CERKL: variants seen among roughly 807,000 people sequenced by gnomAD.
The protein encoded by CERKL is CERK like autophagy regulator.
A neutral mutation model predicts 63.4 loss-of-function variants in CERKL; 61 were observed. That is an observed-to-expected ratio of 0.96 (90% CI 0.78 to 1.19). CERKL has a LOEUF of 1.19. CERKL is among the 50% of genes most tolerant of loss of function. The pLI is 0.00. For synonymous variants in CERKL, 250 were observed against 230.5 expected, an observed-to-expected ratio of 1.08 and a Z score of -0.77; for missense variants, 675 against 655.5, an observed-to-expected ratio of 1.03 and a Z score of -0.33.
Position 181,550,049 on chromosome 2 carries a change from G to C in CERKL, c.821-341C>G, listed in dbSNP as rs1253675566. Among the ~76,000 whole-genome samples the C allele has an allele frequency of 6.6e-6, 1 of 152,084 alleles. No homozygotes were observed. Among genetic ancestry groups the C allele is most frequent in the Non-Finnish European group, 1.5e-5 (1 of 68,018 alleles). ...ACTCCATCCCAACCTTAATGAATGG[G>C]TTTTTAGCTTCAATGCCAAAATGAG... On this transcript the variant is annotated intron_variant, in intron 5 of 12. Coordinates refer to ENST00000410087, the MANE Select transcript of CERKL (RefSeq NM_201548.5). The surrounding 1 kb of genome is among the most constrained non-coding windows in gnomAD (Gnocchi z 4.5).
chr2:181,553,650 T>C (rs1688083733), intron 5 of CERKL, among the ~76,000 whole-genome samples: 1 of 152,184 alleles, frequency 6.6e-6, no homozygotes, highest in Non-Finnish European at 1.5e-5. Context: ...GCTTTGCAAC[T>C]TTTCTCTAAT....
chr2:181,538,496 G>C (rs201139242), intron 12 of CERKL, among the ~76,000 whole-genome samples: 1 of 25,240 alleles, frequency 4.0e-5, no homozygotes, highest in African/African-American at 1.8e-4. Context: ...AGTCAGTTAT[G>C]CCTCTAGAAC....
chr2:181,638,168 C>A (rs576106403), intron 1 of CERKL, among the ~76,000 whole-genome samples: 2 of 152,190 alleles, frequency 1.3e-5, no homozygotes, highest in Admixed American at 1.3e-4. Context: ...AACAAAAAAA[C>A]CCAACATATT....
chr2:181,614,378 A>G (rs2105909240), intron 1 of CERKL, among the ~76,000 whole-genome samples: 1 of 152,350 alleles, frequency 6.6e-6, no homozygotes, highest in South Asian at 2.1e-4. Context: ...TTAAAGAGAA[A>G]AAAGGGAAAA....
intron 2 of CERKL, among the ~76,000 whole-genome samples, chr2:181,582,531 A>G (rs1273816714): frequency 6.7e-6 from 1 of 149,348 alleles, no homozygotes; most frequent in Non-Finnish European, 1.5e-5. Context: ...ATATATATAT[A>G]TATATGTTTT....
chr2:181,633,645 AAAAG>A (rs1434504399), intron 1 of CERKL, among the ~76,000 whole-genome samples: 1 of 152,222 alleles, frequency 6.6e-6, no homozygotes, highest in Non-Finnish European at 1.5e-5. Flanking sequence ...AAGAGAAACA[AAAAG>A]AAAAGCAGAA....
At position 181,641,046 on chromosome 2, in the gene CERKL, C is replaced by T. The variant is rs935157321; in HGVS notation, c.238+15723G>A. 2.6e-5 allele frequency among the ~76,000 whole-genome samples: 4 copies of T among 152,130 alleles called. No individual in the cohort carries two copies. The South Asian group carries it at 8.3e-4, about 32-fold the overall frequency. ...TTTAGGAATAACATTAGTCTCCAGA[C>T]GTTCACAGGGTCAGAGTACACAGAC... On this transcript the variant is annotated intron_variant, in intron 1 of 12. Coordinates refer to ENST00000410087, the MANE Select transcript of CERKL (RefSeq NM_201548.5).
At chr2:181,604,938 A>C (rs887224551) in intron 1 of CERKL, among the ~76,000 whole-genome samples, 1 of 152,188 alleles carries the variant, frequency 6.6e-6, no homozygotes, top group African/African-American at 2.4e-5. Flanking sequence ...TGTGGAAAAG[A>C]CCATTTCAAT....
chr2:181,605,187 T>C (rs1404903091), intron 1 of CERKL, among the ~76,000 whole-genome samples: 1 of 152,076 alleles, frequency 6.6e-6, no homozygotes, highest in Non-Finnish European at 1.5e-5. Context: ...CTGCAGAGAA[T>C]CTCCAGGTCA....
chr2:181,547,389 G>T (rs1247684696), intron 10 of CERKL, among the ~76,000 whole-genome samples: 1 of 152,050 alleles, frequency 6.6e-6, no homozygotes, highest in African/African-American at 2.4e-5. Context: ...TAAAACTTAG[G>T]AAATATTATT....
At chr2:181,609,929 C>T (rs1247481582) in intron 1 of CERKL, among the ~76,000 whole-genome samples, 2 of 151,902 alleles carry the variant, frequency 1.3e-5, no homozygotes, top group African/African-American at 2.4e-5. Context: ...AAAAATAGGG[C>T]CCTATTTCAT....
intron 1 of CERKL, among the ~76,000 whole-genome samples, chr2:181,652,474 A>G (rs887624292): frequency 2.0e-5 from 3 of 152,170 alleles, no homozygotes; most frequent in African/African-American, 7.2e-5. Flanking sequence ...CCTCCCTCTC[A>G]CCATATACAA....
chr2:181,563,792 ATC>A (rs1274869121), intron 4 of CERKL, among the ~76,000 whole-genome samples: 1 of 151,864 alleles, frequency 6.6e-6, no homozygotes, highest in Non-Finnish European at 1.5e-5. Flanking sequence ...CTCCTCATAT[ATC>A]TCTCTATGTA....
At position 181,657,066 on chromosome 2, in the gene CERKL, G is replaced by A. The variant is rs1401736863; in HGVS notation, c.-60C>T. ...CGGGGAGGCCTTTGGAGAAGGAGGT[G>A]GAGGGCGCGGCAGCCCCAGCTCTAG... On this transcript the variant is annotated 5_prime_UTR_variant, in exon 1 of 13. Coordinates refer to ENST00000410087, the MANE Select transcript of CERKL (RefSeq NM_201548.5). The A allele has an allele frequency of 2.1e-6, 3 of 1,444,182 alleles. No homozygotes were observed. The Admixed American group carries it at 5.8e-5, about 28-fold the overall frequency. 89.5% of individuals were successfully genotyped at this position (1,444,182 alleles called of 1,614,324 possible).
intron 5 of CERKL, among the ~76,000 whole-genome samples, chr2:181,552,464 G>T (rs188903114): frequency 1.7e-3 from 255 of 152,254 alleles, no homozygotes; most frequent in Non-Finnish European, 2.8e-3. Context: ...CTGCCACCTT[G>T]TGAAGAATGT....
At chr2:181,578,071 G>A (rs1393904602) in intron 2 of CERKL, among the ~76,000 whole-genome samples, 1 of 152,112 alleles carries the variant, frequency 6.6e-6, no homozygotes, top group African/African-American at 2.4e-5. Context: ...ACATGCTACA[G>A]AATTCAAAAT....
chr2:181,558,499 G>T lies in CERKL; in HGVS notation c.820+67C>A. Reference sequence around the variant, plus strand: ...CATTAATTCTGTGTTGTGCTGTCTAGATTAGCAAGTAAGAAAGGAAAAGAG... The same window carrying T: ...CATTAATTCTGTGTTGTGCTGTCTATATTAGCAAGTAAGAAAGGAAAAGAG... On this transcript the variant is annotated intron_variant, in intron 5 of 12. Transcript: ENST00000410087. The surrounding 1 kb of genome is among the most constrained non-coding windows in gnomAD (Gnocchi z 4.2). 5 of 1,529,930 alleles carry T rather than the reference G, an allele frequency of 3.3e-6. No homozygotes were observed. Among genetic ancestry groups the T allele is most frequent in the Admixed American group, 1.7e-5 (1 of 59,798 alleles). 94.8% of individuals were successfully genotyped at this position (1,529,930 alleles called of 1,614,324 possible).
At chr2:181,568,032 C>A (rs1460080256) in intron 3 of CERKL, among the ~76,000 whole-genome samples, 1 of 152,158 alleles carries the variant, frequency 6.6e-6, no homozygotes, top group African/African-American at 2.4e-5. Flanking sequence ...GATGTGAAGC[C>A]TTCACAGTTT....
chr2:181,567,189 CATA>C (rs954869567), intron 3 of CERKL, among the ~76,000 whole-genome samples: 5 of 152,048 alleles, frequency 3.3e-5, no homozygotes, highest in Admixed American at 1.3e-4. Context: ...AGAAGAAAGC[CATA>C]ATAAAACTAC....
Sources: allele counts gnomAD v4.1 joint callset (sites outside exome capture counted in the v4.1 genomes callset), GRCh38; gene constraint gnomAD v4.1.1; non-coding constraint Gnocchi (gnomAD v3.1); transcripts MANE v1.5; gene names NCBI Gene and HGNC (gene_info 2026-07-23, HGNC 2026-07-21).